LRRC37A2: variants seen among roughly 807,000 people sequenced by gnomAD.
The protein encoded by LRRC37A2 is leucine rich repeat containing 37 member A2.
LRRC37A2 carries 9 observed loss-of-function variants against 68.8 expected under a neutral mutation model. The ratio of observed to expected loss-of-function variants is 0.13; its 90% confidence interval spans 0.08 to 0.23. LRRC37A2 has a LOEUF of 0.23. Among genes scored for constraint, LRRC37A2 ranks in the 10% least tolerant of loss-of-function variants. The pLI, the probability that LRRC37A2 is intolerant of heterozygous loss-of-function variation, is 1.00. For synonymous variants in LRRC37A2, 63 were observed against 367.6 expected (o/e 0.17, Z 9.48); for missense variants, 168 against 950.4 (o/e 0.18, Z 10.82).
chr17:46,773,619 T>TGGCTGG, the LRRC37A2 span: 1 of 549,848 alleles, frequency 1.8e-6, no homozygotes. Flanking sequence ...ACAGTCCTGA[T>TGGCTGG]CCCTCCCCCC....
chr17:46,500,736 T>C, the LRRC37A2 span, among the ~76,000 whole-genome samples: 2 of 151,250 alleles, frequency 1.3e-5, no homozygotes, highest in Admixed American at 6.6e-5. Context: ...ATTCAATGAG[T>C]AGCAAAGTTT....
the LRRC37A2 span, among the ~76,000 whole-genome samples, chr17:46,385,151 A>C: frequency 9.5e-6 from 1 of 104,904 alleles, no homozygotes; most frequent in African/African-American, 3.3e-5. Flanking sequence ...TTTAAATTTA[A>C]TTATCCTATT....
At chr17:46,961,832 A>G in the LRRC37A2 span, among the ~76,000 whole-genome samples, 1 of 152,228 alleles carries the variant, frequency 6.6e-6, no homozygotes, top group African/African-American at 2.4e-5. Flanking sequence ...TGCCTACTGT[A>G]TGCAGAGCCC....
chr17:46,953,056 T>G, the LRRC37A2 span, among the ~76,000 whole-genome samples: 3 of 152,082 alleles, frequency 2.0e-5, no homozygotes, highest in African/African-American at 7.2e-5. Flanking sequence ...TTTTATTTTA[T>G]TATTATTTTA....
At chr17:46,492,523 GAGTA>G in the LRRC37A2 span, among the ~76,000 whole-genome samples, 1 of 150,086 alleles carries the variant, frequency 6.7e-6, no homozygotes, top group South Asian at 2.1e-4. Context: ...TGTTTCTCTT[GAGTA>G]AATACCTAGG....
the LRRC37A2 span, chr17:46,924,012 A>G: frequency 2.5e-6 from 1 of 396,464 alleles, no homozygotes; most frequent in Non-Finnish European, 4.4e-6. Context: ...TGTTTTAACA[A>G]TTTTTAAGTG....
the LRRC37A2 span, among the ~76,000 whole-genome samples, chr17:47,034,530 A>C: frequency 6.6e-6 from 1 of 152,158 alleles, no homozygotes; most frequent in African/African-American, 2.4e-5. Flanking sequence ...TGGAGGAAAG[A>C]TAACAAACTT....
At chr17:46,418,203 G>T in the LRRC37A2 span, among the ~76,000 whole-genome samples, 5 of 50,940 alleles carry the variant, frequency 9.8e-5, 1 homozygote, top group Admixed American at 1.1e-3. Context: ...TTGTGTGTGT[G>T]TGTGTGTGTG....
chr17:46,499,078 G>A, the LRRC37A2 span, among the ~76,000 whole-genome samples: 1 of 147,980 alleles, frequency 6.8e-6, no homozygotes, highest in African/African-American at 2.6e-5. Flanking sequence ...ACTTTGGGAG[G>A]CCTAGGCAGG....
the LRRC37A2 span, chr17:46,939,553 C>G: frequency 1.0e-6 from 1 of 985,382 alleles, no homozygotes; most frequent in South Asian, 4.7e-5. Flanking sequence ...GGCCTTTGCC[C>G]CTTAGAAAGT....
the LRRC37A2 span, among the ~76,000 whole-genome samples, chr17:47,035,728 A>G: frequency 1.3e-5 from 2 of 152,260 alleles, no homozygotes; most frequent in African/African-American, 4.8e-5. Flanking sequence ...CTTTTTGAGG[A>G]CCTGTCAGGC....
At chr17:46,975,070 G>A in the LRRC37A2 span, 1 of 140,594 alleles carries the variant, frequency 7.1e-6, no homozygotes, top group South Asian at 2.3e-4. Context: ...GAGTTCATAC[G>A]ATAAACAAAA....
At chr17:46,558,121 A>G (rs1188946352), downstream of LRRC37A2, among the ~76,000 whole-genome samples, 1 of 129,030 alleles carries the variant, frequency 7.8e-6, no homozygotes, top group Non-Finnish European at 1.6e-5. Context: ...ATGCAATGGC[A>G]CGATCTCAGC....
At chr17:46,876,470 C>G in the LRRC37A2 span, 3 of 1,613,670 alleles carry the variant, frequency 1.9e-6, no homozygotes, top group Non-Finnish European at 2.5e-6. Flanking sequence ...AGGCCTGGCC[C>G]CAAGGTCTGG....
the LRRC37A2 span, among the ~76,000 whole-genome samples, chr17:46,497,301 TTGA>T: frequency 7.4e-5 from 11 of 148,218 alleles, no homozygotes; most frequent in East Asian, 2.0e-4. Flanking sequence ...TTTAATATGA[TTGA>T]TGATGATTGG....
chr17:46,796,289 T>C, the LRRC37A2 span, among the ~76,000 whole-genome samples: 1 of 152,372 alleles, frequency 6.6e-6, no homozygotes, highest in South Asian at 2.1e-4. Flanking sequence ...ACAATAAATG[T>C]TGGTTGCCAT....
chr17:46,878,662 C>T, the LRRC37A2 span, among the ~76,000 whole-genome samples: 1 of 152,330 alleles, frequency 6.6e-6, no homozygotes, highest in East Asian at 1.9e-4. Flanking sequence ...TCTGCCTCCA[C>T]CCAGGCTCAG....
At chr17:46,742,126 C>T in the LRRC37A2 span, among the ~76,000 whole-genome samples, 2 of 152,196 alleles carry the variant, frequency 1.3e-5, no homozygotes, top group Admixed American at 1.3e-4. Context: ...CTAGAGAAGT[C>T]TGTGTTATCC....
the LRRC37A2 span, chr17:46,476,863 T>C: frequency 2.5e-6 from 1 of 407,196 alleles, no homozygotes; most frequent in Non-Finnish European, 4.5e-6. Context: ...ATGTAGACAT[T>C]AAAGAACTGG....
Sources: gnomAD v4.1 joint callset for allele counts (sites outside exome capture counted in the v4.1 genomes callset) on GRCh38, gnomAD v4.1.1 for gene constraint, MANE v1.5 for transcripts, NCBI Gene and HGNC (gene_info 2026-07-23, HGNC 2026-07-21) for gene names.